Variants in AUTS2 observed in about 807,000 individuals in gnomAD.
AUTS2 encodes autism susceptibility gene 2 protein.
In AUTS2, 17 loss-of-function variants were observed where a neutral mutation model predicts 112.4. The observed-to-expected ratio is 0.15, with a 90% CI of 0.10 to 0.23. The LOEUF (loss-of-function observed/expected upper bound fraction) is 0.23. Among genes scored for constraint, AUTS2 ranks in the 10% least tolerant of loss-of-function variants. The pLI, the probability that AUTS2 is intolerant of heterozygous loss-of-function variation, is 1.00. For synonymous variants in AUTS2, 751 were observed against 702.7 expected (o/e 1.07, Z -1.09); for missense variants, 1,510 against 1,701.6 (o/e 0.89, Z 1.98).
intron 1 of AUTS2, among the ~76,000 whole-genome samples, chr7:69,709,480 C>G (rs1798218504): frequency 6.6e-6 from 1 of 152,128 alleles, no homozygotes; most frequent in Non-Finnish European, 1.5e-5. Context: ...ACTTCTCACC[C>G]TGTGTTGAAA....
chr7:70,511,023 A>G (rs1799160663), intron 5 of AUTS2, among the ~76,000 whole-genome samples: 1 of 151,804 alleles, frequency 6.6e-6, no homozygotes, highest in South Asian at 2.1e-4. Flanking sequence ...TAATTTTTGT[A>G]TTTTTTGTAG....
chr7:70,378,237 G>A (rs933557391), intron 4 of AUTS2, among the ~76,000 whole-genome samples: 1 of 152,108 alleles, frequency 6.6e-6, no homozygotes, highest in Non-Finnish European at 1.5e-5. Flanking sequence ...TGTGAATAAT[G>A]CTGCTATGAA....
intron 1 of AUTS2, among the ~76,000 whole-genome samples, chr7:69,760,545 C>T (rs559268939): frequency 3.3e-5 from 5 of 151,764 alleles, no homozygotes; most frequent in East Asian, 1.9e-4. Flanking sequence ...ACAAGTGTGT[C>T]GGGCGCGGTG....
chr7:70,103,288 C>T (rs1010048633), intron 2 of AUTS2, among the ~76,000 whole-genome samples: 1 of 152,184 alleles, frequency 6.6e-6, no homozygotes, highest in African/African-American at 2.4e-5. Flanking sequence ...CCATCTCTTC[C>T]TTTCTGTTTA....
chr7:69,956,953 C>G (rs1019603095), intron 2 of AUTS2, among the ~76,000 whole-genome samples: 1 of 152,114 alleles, frequency 6.6e-6, no homozygotes, highest in African/African-American at 2.4e-5. Context: ...GCCTCAACCT[C>G]CTGGGCACAG....
At chr7:70,744,512 G>C (rs1274430598) in intron 6 of AUTS2, among the ~76,000 whole-genome samples, 2 of 152,178 alleles carry the variant, frequency 1.3e-5, no homozygotes, top group Admixed American at 6.5e-5. Context: ...GCCTTGACGA[G>C]GAGGACATAT....
chr7:70,313,945 T>G (rs994762219), intron 4 of AUTS2, among the ~76,000 whole-genome samples: 2 of 152,218 alleles, frequency 1.3e-5, no homozygotes, highest in African/African-American at 2.4e-5. Flanking sequence ...AGCCGCATTT[T>G]AGCACTGGAG....
chr7:70,147,025 A>G (rs1446976181), intron 4 of AUTS2, among the ~76,000 whole-genome samples: 1 of 152,144 alleles, frequency 6.6e-6, no homozygotes, highest in Admixed American at 6.6e-5. Flanking sequence ...ATTTTTGGAT[A>G]CAGTACACAT....
intron 2 of AUTS2, among the ~76,000 whole-genome samples, chr7:69,918,561 T>TA (rs1795683124): frequency 6.6e-6 from 1 of 152,254 alleles, no homozygotes; most frequent in Non-Finnish European, 1.5e-5. Context: ...CTTTTACTGA[T>TA]ACAAAGACAT....
At chr7:70,062,280 G>C (rs1584659080) in intron 2 of AUTS2, among the ~76,000 whole-genome samples, 1 of 151,738 alleles carries the variant, frequency 6.6e-6, no homozygotes, top group Non-Finnish European at 1.5e-5. Flanking sequence ...GGAGGCCAAG[G>C]AGGGCGGATC....
At chr7:69,800,885 T>C (rs1289615092) in intron 1 of AUTS2, among the ~76,000 whole-genome samples, 1 of 152,150 alleles carries the variant, frequency 6.6e-6, no homozygotes, top group Non-Finnish European at 1.5e-5. Flanking sequence ...CTGGAGTACT[T>C]CTTACCCCCT....
At chr7:70,273,317 T>G (rs1787778805) in intron 4 of AUTS2, among the ~76,000 whole-genome samples, 1 of 152,202 alleles carries the variant, frequency 6.6e-6, no homozygotes, top group African/African-American at 2.4e-5. Context: ...CTGGCCTGTG[T>G]CTGATTTATA....
intron 6 of AUTS2, among the ~76,000 whole-genome samples, chr7:70,751,349 G>A (rs1788833118): frequency 6.6e-6 from 1 of 152,248 alleles, no homozygotes; most frequent in African/African-American, 2.4e-5. Flanking sequence ...AATACTGGAA[G>A]CAGGGCTGCC....
intron 4 of AUTS2, among the ~76,000 whole-genome samples, chr7:70,279,008 A>T (rs1450158105): frequency 7.9e-5 from 12 of 152,288 alleles, no homozygotes; most frequent in African/African-American, 2.9e-4. Flanking sequence ...AAATCATTTT[A>T]TTGGAAAATG....
intron 5 of AUTS2, among the ~76,000 whole-genome samples, chr7:70,464,750 C>T (rs78988965): frequency 6.6e-6 from 1 of 152,296 alleles, no homozygotes; most frequent in Non-Finnish European, 1.5e-5. Context: ...TTCTGGTTAA[C>T]TGGAATATGA....
chr7:70,209,147 G>A (rs1024016087), intron 4 of AUTS2, among the ~76,000 whole-genome samples: 4 of 152,182 alleles, frequency 2.6e-5, no homozygotes, highest in Middle Eastern at 3.2e-3. Flanking sequence ...GAAATGTAAA[G>A]TGGTTGCATT....
intron 2 of AUTS2, among the ~76,000 whole-genome samples, chr7:69,923,672 T>G (rs909333055): frequency 6.6e-6 from 1 of 152,222 alleles, no homozygotes; most frequent in South Asian, 2.1e-4. Context: ...TTCATATATT[T>G]TGTCAGATTT....
chr7:70,737,474 G>A (rs1214454988), intron 6 of AUTS2, among the ~76,000 whole-genome samples: 3 of 152,220 alleles, frequency 2.0e-5, no homozygotes, highest in Non-Finnish European at 2.9e-5. Context: ...TGTAGTGCAA[G>A]ATAGAAATAT....
At chr7:70,024,759 AT>A (rs1275891078) in intron 2 of AUTS2, among the ~76,000 whole-genome samples, 1 of 152,130 alleles carries the variant, frequency 6.6e-6, no homozygotes, top group Non-Finnish European at 1.5e-5. Context: ...GGCAAGAGTT[AT>A]TGCAGTCTTG....
Sources: allele counts gnomAD v4.1 joint callset (sites outside exome capture counted in the v4.1 genomes callset), GRCh38; gene constraint gnomAD v4.1.1; transcripts MANE v1.5; gene names NCBI Gene and HGNC (gene_info 2026-07-23, HGNC 2026-07-21).